The following KIAA1958 variants were observed in gnomAD, a reference collection of about 807,000 sequenced individuals.
KIAA1958 encodes the protein KIAA1958.
KIAA1958 carries 14 observed loss-of-function variants against 47.2 expected under a neutral mutation model. That is an observed-to-expected ratio of 0.30 (90% CI 0.20 to 0.46). The LOEUF is 0.46. Among genes scored for constraint, KIAA1958 ranks in the 20% least tolerant of loss-of-function variants. KIAA1958 has a pLI of 1.00. For missense variants in KIAA1958, 803 were observed against 909.2 expected, an observed-to-expected ratio of 0.88 and a Z score of 1.50; for synonymous variants, 354 against 353.3, an observed-to-expected ratio of 1.00 and a Z score of -0.02.
At chr9:112,528,505 G>C (rs1314737794) in intron 1 of KIAA1958, among the ~76,000 whole-genome samples, 3 of 152,038 alleles carry the variant, frequency 2.0e-5, no homozygotes, top group South Asian at 2.1e-4. Flanking sequence ...CTCACAATTG[G>C]AGTGTTTATT....
At chr9:112,602,821 CTG>C (rs1836157402) in intron 2 of KIAA1958, among the ~76,000 whole-genome samples, 1 of 152,202 alleles carries the variant, frequency 6.6e-6, no homozygotes, top group African/African-American at 2.4e-5. Context: ...GGAATTCTCA[CTG>C]TGAGTCCCAA....
rs112238950 is a variant in KIAA1958 at position 112,576,254 on chromosome 9, A to G, written c.1171+1003A>G. 5.2e-3 allele frequency among the ~76,000 whole-genome samples: 792 copies of G among 152,322 alleles called. 10 individuals carry two copies. The highest frequency in any genetic ancestry group is 0.018 in the African/African-American group (752 of 41,570). ...TTATGATTTTTTTGAAGACATAGTCATGGTGTTATTAAGAAGATATTCACT... is the reference window on the plus strand; with the variant it reads ...TTATGATTTTTTTGAAGACATAGTCGTGGTGTTATTAAGAAGATATTCACT... On this transcript the variant is annotated intron_variant, in intron 2 of 3. Coordinates refer to ENST00000337530, the MANE Select transcript of KIAA1958 (RefSeq NM_133465.4).
intron 1 of KIAA1958, among the ~76,000 whole-genome samples, chr9:112,569,596 T>C (rs1330455187): frequency 1.3e-5 from 2 of 150,858 alleles, no homozygotes; most frequent in East Asian, 2.0e-4. Flanking sequence ...ACTTTATTGG[T>C]AACACTTTGA....
chr9:112,605,127 G>A (rs1836207342), intron 2 of KIAA1958, among the ~76,000 whole-genome samples: 2 of 151,196 alleles, frequency 1.3e-5, no homozygotes, highest in African/African-American at 4.9e-5. Flanking sequence ...CTTTGCTAAA[G>A]CTGTCTCTAA....
Position 112,618,964 on chromosome 9 carries a change from A to G in KIAA1958, c.1172-26686A>G. 4 of 1,482,536 alleles carry G rather than the reference A, an allele frequency of 2.7e-6. No individual in the cohort carries two copies. The highest frequency in any genetic ancestry group is 2.5e-5 in the East Asian group (1 of 40,038). The allele number at this position is 1,482,536 out of a possible 1,614,324, so 91.8% of individuals were successfully genotyped here. ...CAGTTTGGTTACTGTGTCCGGAGAA[A>G]CTGTGATTATACACCGCTTCTCGTT... is the stretch of plus-strand genomic sequence containing the variant. On this transcript the variant is annotated intron_variant, in intron 2 of 3. Transcript: ENST00000337530. This position sits in a 1 kb window ranked among gnomAD's most constrained non-coding sequence, Gnocchi z 7.1.
rs536022436 is a variant in KIAA1958 at position 112,487,593 on chromosome 9, A to G, written c.-25+475A>G. Among the ~76,000 whole-genome samples the G allele has an allele frequency of 7.2e-5, 11 of 152,128 alleles. No individual in the cohort carries two copies. The South Asian group carries it at 1.5e-3, about 20-fold the overall frequency. On this transcript the variant is annotated intron_variant, in intron 1 of 3. Transcript: ENST00000337530. ...AGGTGGTTCAGGGCTCTGCCCCACT[A>G]GTTTTCCTCCTCGGGTGGCTCGCCG...
chr9:112,556,402 A>G (rs1425809555), intron 1 of KIAA1958, among the ~76,000 whole-genome samples: 2 of 152,222 alleles, frequency 1.3e-5, no homozygotes, highest in Non-Finnish European at 2.9e-5. Flanking sequence ...ATGCCCTTTC[A>G]TATTCACATC....
chr9:112,607,010 A>G (rs1836246494), intron 2 of KIAA1958, among the ~76,000 whole-genome samples: 1 of 152,206 alleles, frequency 6.6e-6, no homozygotes, highest in African/African-American at 2.4e-5. Flanking sequence ...ACCATAGTAT[A>G]TAAAGAAGGG....
chr9:112,644,953 T>C (rs1054537109), intron 2 of KIAA1958, among the ~76,000 whole-genome samples: 2 of 152,072 alleles, frequency 1.3e-5, no homozygotes, highest in Admixed American at 6.6e-5. Flanking sequence ...CTGGCCAACA[T>C]GGTGAAACCC....
intron 2 of KIAA1958, among the ~76,000 whole-genome samples, chr9:112,592,647 A>G (rs1230024614): frequency 6.6e-6 from 1 of 152,264 alleles, no homozygotes; most frequent in Non-Finnish European, 1.5e-5. Context: ...GTAGCAATGC[A>G]GGATGGGAAT....
chr9:112,652,362 AC>A (rs1455245441), intron 3 of KIAA1958, among the ~76,000 whole-genome samples: 1 of 152,198 alleles, frequency 6.6e-6, no homozygotes, highest in Non-Finnish European at 1.5e-5. Context: ...AACCTTAGTA[AC>A]CTGGGGGAAT....
intron 2 of KIAA1958, among the ~76,000 whole-genome samples, chr9:112,628,963 G>A (rs1046255633): frequency 1.3e-5 from 2 of 152,130 alleles, no homozygotes; most frequent in Non-Finnish European, 2.9e-5. Context: ...GTGGGAAGAT[G>A]ATTGAAAGTG....
chr9:112,606,142 G>C (rs1423418054), intron 2 of KIAA1958, among the ~76,000 whole-genome samples: 1 of 152,142 alleles, frequency 6.6e-6, no homozygotes, highest in Non-Finnish European at 1.5e-5. Flanking sequence ...GGGAGAGCAG[G>C]TATCAAGGAT....
At position 112,622,489 on chromosome 9, in the gene KIAA1958, A is replaced by T. The variant is rs558242603; in HGVS notation, c.1172-23161A>T. 2.0e-5 allele frequency among the ~76,000 whole-genome samples: 3 copies of T among 152,368 alleles called. No individual in the cohort carries two copies. The East Asian group carries it at 5.8e-4, about 29-fold the overall frequency. Reference sequence around the variant, plus strand: ...ATAGATGCTAGCTATTTTTAAAAAAACTATAATGTTTGAAAAAGTTAAGAG... The same window carrying T: ...ATAGATGCTAGCTATTTTTAAAAAATCTATAATGTTTGAAAAAGTTAAGAG... On this transcript the variant is annotated intron_variant, in intron 2 of 3. Transcript: ENST00000337530.
At chr9:112,524,546 G>T (rs1156741147) in intron 1 of KIAA1958, among the ~76,000 whole-genome samples, 1 of 152,306 alleles carries the variant, frequency 6.6e-6, no homozygotes, top group African/African-American at 2.4e-5. Flanking sequence ...ACATTGTTGT[G>T]CTACCATAGG....
chr9:112,654,068 G>A (rs1837108599), intron 3 of KIAA1958, among the ~76,000 whole-genome samples: 1 of 152,164 alleles, frequency 6.6e-6, no homozygotes, highest in African/African-American at 2.4e-5. Flanking sequence ...AAGCAGCAAA[G>A]TCTCATTGCC....
At chr9:112,510,327 A>G (rs1702840407) in intron 1 of KIAA1958, among the ~76,000 whole-genome samples, 1 of 152,216 alleles carries the variant, frequency 6.6e-6, no homozygotes, top group Admixed American at 6.5e-5. Flanking sequence ...CACCCTGCAT[A>G]TAGTCAACTC....
intron 2 of KIAA1958, among the ~76,000 whole-genome samples, chr9:112,590,873 C>T (rs1037172287): frequency 1.3e-5 from 2 of 152,174 alleles, no homozygotes; most frequent in African/African-American, 4.8e-5. Flanking sequence ...ATGTCTAATG[C>T]AGATTACCAT....
chr9:112,624,970 A>G (rs914396616), intron 2 of KIAA1958, among the ~76,000 whole-genome samples: 3 of 151,986 alleles, frequency 2.0e-5, no homozygotes, highest in African/African-American at 7.2e-5. Context: ...AGAAGATAGA[A>G]ATAGCCAAGA....
Sources: allele counts gnomAD v4.1 joint callset (sites outside exome capture counted in the v4.1 genomes callset), GRCh38; gene constraint gnomAD v4.1.1; non-coding constraint Gnocchi (gnomAD v3.1); transcripts MANE v1.5; gene names NCBI Gene and HGNC (gene_info 2026-07-23, HGNC 2026-07-21).